Variants in KHDRBS2 observed in about 807,000 individuals in gnomAD.
The protein encoded by KHDRBS2 is KH domain-containing, RNA-binding, signal transduction-associated protein 2.
A neutral mutation model predicts 44.3 loss-of-function variants in KHDRBS2; 26 were observed. The observed-to-expected ratio is 0.59, with a 90% CI of 0.43 to 0.81. The LOEUF is 0.81. KHDRBS2 is among the 40% of genes least tolerant of loss of function. The pLI is 0.00. For synonymous variants in KHDRBS2, 194 were observed against 151.1 expected, an observed-to-expected ratio of 1.28 and a Z score of -2.08; for missense variants, 476 against 433.1, an observed-to-expected ratio of 1.10 and a Z score of -0.88.
At chr6:62,210,957 T>C (rs1216689925) in intron 1 of KHDRBS2, among the ~76,000 whole-genome samples, 1 of 152,082 alleles carries the variant, frequency 6.6e-6, no homozygotes, top group Non-Finnish European at 1.5e-5. Context: ...AAAAATGAAA[T>C]AAAGCTATCC....
chr6:61,764,282 G>T (rs1358574910), intron 6 of KHDRBS2, among the ~76,000 whole-genome samples: 6 of 152,088 alleles, frequency 3.9e-5, no homozygotes, highest in African/African-American at 1.4e-4. Flanking sequence ...GAATAGTGTT[G>T]CAGTGAACAT....
chr6:62,229,612 G>C (rs1220101481), intron 1 of KHDRBS2, among the ~76,000 whole-genome samples: 1 of 152,200 alleles, frequency 6.6e-6, no homozygotes, highest in Admixed American at 6.5e-5. Context: ...CCATGGTTGG[G>C]AGCCTGGGCC....
the KHDRBS2 span, among the ~76,000 whole-genome samples, chr6:61,641,485 C>A: frequency 1.3e-5 from 2 of 152,126 alleles, no homozygotes; most frequent in African/African-American, 4.8e-5. Context: ...CCTATTAAAG[C>A]ATCTCTTTTT....
At chr6:62,277,958 G>A (rs1196001686) in intron 1 of KHDRBS2, among the ~76,000 whole-genome samples, 1 of 152,084 alleles carries the variant, frequency 6.6e-6, no homozygotes, top group Non-Finnish European at 1.5e-5. Context: ...ACAGAACTCT[G>A]CACTTGAGAA....
intron 2 of KHDRBS2, among the ~76,000 whole-genome samples, chr6:62,106,453 C>G (rs1365866981): frequency 6.6e-6 from 1 of 152,074 alleles, no homozygotes; most frequent in Non-Finnish European, 1.5e-5. Flanking sequence ...TGTTATGAAT[C>G]TGGGTGCTCC....
chr6:62,075,218 C>A (rs1273213621), intron 2 of KHDRBS2, among the ~76,000 whole-genome samples: 1 of 151,790 alleles, frequency 6.6e-6, no homozygotes, highest in African/African-American at 2.4e-5. Context: ...GTGATCAGGT[C>A]ACGAGGGACA....
chr6:61,562,424 C>T, the KHDRBS2 span, among the ~76,000 whole-genome samples: 2 of 152,098 alleles, frequency 1.3e-5, no homozygotes, highest in Non-Finnish European at 2.9e-5. Context: ...AGTATAAAGA[C>T]TAATACATAT....
intron 5 of KHDRBS2, 124 bp from the exon 6 acceptor site, chr6:61,894,957 CTG>C (rs370645859): frequency 4.1e-3 from 2,173 of 523,770 alleles, no homozygotes; most frequent in South Asian, 8.3e-3. Flanking sequence ...CTCTCTCTCT[CTG>C]TGTGTGTGTG....
chr6:62,042,561 G>A (rs1018769707), intron 3 of KHDRBS2, among the ~76,000 whole-genome samples: 1 of 152,060 alleles, frequency 6.6e-6, no homozygotes, highest in African/African-American at 2.4e-5. Context: ...CAATGAGCAT[G>A]ACTTCACCCC....
At chr6:61,942,544 A>G (rs111725160) in intron 4 of KHDRBS2, among the ~76,000 whole-genome samples, 10 of 152,122 alleles carry the variant, frequency 6.6e-5, no homozygotes, top group Non-Finnish European at 1.3e-4. Flanking sequence ...AATAAAGAAT[A>G]AAAAAGAAAA....
At chr6:61,849,834 T>G (rs1446007651) in intron 6 of KHDRBS2, among the ~76,000 whole-genome samples, 2 of 152,098 alleles carry the variant, frequency 1.3e-5, no homozygotes, top group Non-Finnish European at 2.9e-5. Context: ...AAACAGAAAA[T>G]AGCATGTTGC....
intron 4 of KHDRBS2, among the ~76,000 whole-genome samples, chr6:61,903,997 G>A (rs79695386): frequency 0.077 from 11,727 of 152,176 alleles, 528 homozygotes; most frequent in Middle Eastern, 0.15. Context: ...ATAATAAATC[G>A]CTGCTTTATG....
chr6:61,604,926 CT>C, the KHDRBS2 span, among the ~76,000 whole-genome samples: 1 of 152,084 alleles, frequency 6.6e-6, no homozygotes, highest in African/African-American at 2.4e-5. Flanking sequence ...ATGGACTGAC[CT>C]TTATTAGTCA....
At chr6:61,714,537 G>A (rs115200755) in intron 7 of KHDRBS2, among the ~76,000 whole-genome samples, 3,765 of 151,940 alleles carry the variant, frequency 0.025, 75 homozygotes, top group Middle Eastern at 0.082. Context: ...TCCCACTACT[G>A]AGTAACTACC....
At chr6:61,995,598 G>GGCAGGCAT (rs1341867020) in intron 3 of KHDRBS2, among the ~76,000 whole-genome samples, 1 of 152,146 alleles carries the variant, frequency 6.6e-6, no homozygotes, top group Non-Finnish European at 1.5e-5. Context: ...CCACTCAAAA[G>GGCAGGCAT]GCAGGCATGC....
intron 2 of KHDRBS2, among the ~76,000 whole-genome samples, chr6:62,092,243 G>A (rs1431914685): frequency 2.0e-5 from 3 of 151,834 alleles, no homozygotes; most frequent in African/African-American, 7.3e-5. Flanking sequence ...CAACCCCACT[G>A]CATAACTCAC....
At chr6:61,610,212 C>CTT in the KHDRBS2 span, among the ~76,000 whole-genome samples, 125,685 of 151,712 alleles carry the variant, frequency 0.83, 52,289 homozygotes, top group Non-Finnish European at 0.87. Context: ...GAAAACAAAA[C>CTT]TTGAAAAAAC....
chr6:62,074,918 T>G (rs1012526132), intron 2 of KHDRBS2, among the ~76,000 whole-genome samples: 1 of 151,976 alleles, frequency 6.6e-6, no homozygotes, highest in African/African-American at 2.4e-5. Context: ...TTAATGTCCC[T>G]ACAGTTTTTG....
At chr6:61,649,865 T>C in the KHDRBS2 span, among the ~76,000 whole-genome samples, 1 of 152,200 alleles carries the variant, frequency 6.6e-6, no homozygotes, top group African/African-American at 2.4e-5. Context: ...CTCCTTTCCA[T>C]AGGTTCTTCT....
Sources: gnomAD v4.1 joint callset for allele counts (sites outside exome capture counted in the v4.1 genomes callset) on GRCh38, gnomAD v4.1.1 for gene constraint, MANE v1.5 for transcripts, NCBI Gene and HGNC (gene_info 2026-07-23, HGNC 2026-07-21) for gene names.